Variants in LARGE1 observed in about 807,000 individuals in gnomAD.
The protein encoded by LARGE1 is xylosyl- and glucuronyltransferase LARGE1.
A neutral mutation model predicts 87.6 loss-of-function variants in LARGE1; 43 were observed. The ratio of observed to expected loss-of-function variants is 0.49; its 90% CI spans 0.38 to 0.63. The LOEUF is 0.63. Ranked by LOEUF, LARGE1 falls within the 30% of genes least tolerant of loss-of-function variation. The pLI, the probability that LARGE1 is intolerant of heterozygous loss-of-function variation, is 0.00. For missense variants in LARGE1, 802 were observed against 1,000.2 expected (o/e 0.80, Z 2.67); for synonymous variants, 434 against 394.6 (o/e 1.10, Z -1.18).
chr22:33,405,423 T>A (rs2066062842), intron 7 of LARGE1, among the ~76,000 whole-genome samples: 2 of 152,208 alleles, frequency 1.3e-5, no homozygotes, highest in Non-Finnish European at 2.9e-5. Flanking sequence ...ACGCTTCAGA[T>A]CTCGGCTAAA....
chr22:33,104,944 T>TTTC, the LARGE1 span, among the ~76,000 whole-genome samples: 1 of 144,882 alleles, frequency 6.9e-6, no homozygotes, highest in Admixed American at 7.0e-5. Context: ...TCTTTCTTTC[T>TTTC]TTCTCTTTCT....
At chr22:33,341,865 C>T (rs1366952131) in intron 9 of LARGE1, among the ~76,000 whole-genome samples, 1 of 152,114 alleles carries the variant, frequency 6.6e-6, no homozygotes, top group Non-Finnish European at 1.5e-5. Flanking sequence ...AGAGTGGTTC[C>T]ATAAGTGTGG....
the LARGE1 span, among the ~76,000 whole-genome samples, chr22:33,073,368 A>T: frequency 1.3e-5 from 2 of 152,254 alleles, no homozygotes; most frequent in African/African-American, 4.8e-5. Flanking sequence ...ACCCTGGACC[A>T]GCCTCTGAAT....
intron 6 of LARGE1, among the ~76,000 whole-genome samples, chr22:33,438,478 C>A (rs565186246): frequency 1.2e-4 from 18 of 152,306 alleles, no homozygotes; most frequent in African/African-American, 4.1e-4. Context: ...TTTGCTTATT[C>A]ATACATCACT....
At chr22:33,239,535 C>CTTTTTTTTTTTTTTTTTTT (rs71187254) in intron 11 of LARGE1, among the ~76,000 whole-genome samples, 34 of 95,284 alleles carry the variant, frequency 3.6e-4, no homozygotes, top group Non-Finnish European at 4.9e-4. Context: ...TTTTTCTTTT[C>CTTTTTTTTTTTTTTTTTTT]TTTTTTTTTT....
At chr22:33,856,405 A>T (rs1345447930) in intron 1 of LARGE1, among the ~76,000 whole-genome samples, 1 of 152,140 alleles carries the variant, frequency 6.6e-6, no homozygotes, top group East Asian at 1.9e-4. Context: ...TGAAATGAAG[A>T]CTTAAGGCGC....
intron 2 of LARGE1, among the ~76,000 whole-genome samples, chr22:33,651,389 CAAAAA>C (rs59002897): frequency 5.5e-5 from 3 of 54,354 alleles, no homozygotes; most frequent in African/African-American, 8.1e-5. Flanking sequence ...GACTCCGTCT[CAAAAA>C]AAAAAAAAAA....
chr22:33,362,473 G>A (rs1457019938), intron 9 of LARGE1, among the ~76,000 whole-genome samples: 1 of 149,546 alleles, frequency 6.7e-6, no homozygotes, highest in Non-Finnish European at 1.5e-5. Context: ...TCTCCCCTTA[G>A]AAGTTCTCTT....
chr22:33,095,537 A>C, the LARGE1 span, among the ~76,000 whole-genome samples: 1 of 152,224 alleles, frequency 6.6e-6, no homozygotes, highest in Non-Finnish European at 1.5e-5. Flanking sequence ...GGGAGGGTTA[A>C]GACTTCAAAA....
intron 1 of LARGE1, among the ~76,000 whole-genome samples, chr22:33,892,352 A>G (rs2065027081): frequency 6.6e-6 from 1 of 152,122 alleles, no homozygotes; most frequent in Non-Finnish European, 1.5e-5. Context: ...CTGGCAGGGC[A>G]CACTCTTTGT....
At chr22:33,228,881 AAGAG>A (rs549036002) in intron 11 of LARGE1, among the ~76,000 whole-genome samples, 110 of 152,202 alleles carry the variant, frequency 7.2e-4, no homozygotes, top group Non-Finnish European at 1.3e-3. Context: ...TGGAGAAAGA[AAGAG>A]AGAGAAAGAG....
At chr22:33,767,330 A>C (rs1159930735) in intron 1 of LARGE1, among the ~76,000 whole-genome samples, 1 of 151,626 alleles carries the variant, frequency 6.6e-6, no homozygotes, top group Non-Finnish European at 1.5e-5. Flanking sequence ...TCATAAATAA[A>C]TGTTATTTAA....
At position 33,888,503 on chromosome 22, in the gene LARGE1, C is replaced by T. The variant is rs541416102; in HGVS notation, c.-83+31492G>A. Among the ~76,000 whole-genome samples the T allele has an allele frequency of 8.5e-5, 13 of 152,194 alleles. No homozygotes were observed. The South Asian group carries it at 2.5e-3, about 29-fold the overall frequency. ...TGATAAAGAATATTTGTATCACACA[C>T]GGGGGAGGTGGGTAACATTTATGGA... On this transcript the variant is annotated intron_variant, in intron 1 of 14. Transcript: ENST00000397394.
At chr22:33,754,578 T>C (rs978658184) in intron 2 of LARGE1, among the ~76,000 whole-genome samples, 1 of 152,106 alleles carries the variant, frequency 6.6e-6, no homozygotes, top group African/African-American at 2.4e-5. Flanking sequence ...CCTTGTGATC[T>C]GCCCGCCTCA....
At chr22:33,226,173 CA>C (rs955530310) in intron 11 of LARGE1, among the ~76,000 whole-genome samples, 2 of 152,308 alleles carry the variant, frequency 1.3e-5, no homozygotes, top group Non-Finnish European at 2.9e-5. Context: ...CTTTATGTTT[CA>C]AAAATCTTTT....
intron 1 of LARGE1, among the ~76,000 whole-genome samples, chr22:33,801,402 T>A (rs375476871): frequency 6.6e-6 from 1 of 152,226 alleles, no homozygotes; most frequent in East Asian, 1.9e-4. Context: ...ATCGTATTCA[T>A]TCTAATAGGT....
chr22:33,373,770 C>G (rs571895084), intron 9 of LARGE1, among the ~76,000 whole-genome samples: 1 of 151,814 alleles, frequency 6.6e-6, no homozygotes, highest in African/African-American at 2.4e-5. Context: ...GTCAGGAGAT[C>G]GAGACCATCC....
chr22:33,229,806 TA>T (rs1025055843), intron 11 of LARGE1, among the ~76,000 whole-genome samples: 139 of 152,018 alleles, frequency 9.1e-4, no homozygotes, highest in African/African-American at 2.9e-3. Context: ...CTGAGAAGAA[TA>T]AATTAAAAAC....
At chr22:33,759,536 A>G (rs1477990519) in intron 2 of LARGE1, among the ~76,000 whole-genome samples, 1 of 152,180 alleles carries the variant, frequency 6.6e-6, no homozygotes. Context: ...GAGTAAACAT[A>G]TGTAGAAGTC....
Sources: allele counts gnomAD v4.1 joint callset (sites outside exome capture counted in the v4.1 genomes callset), GRCh38; gene constraint gnomAD v4.1.1; transcripts MANE v1.5; gene names NCBI Gene and HGNC (gene_info 2026-07-23, HGNC 2026-07-21).